The following PATE1 variants were observed in gnomAD, a reference collection of about 807,000 sequenced individuals.
The protein encoded by PATE1 is prostate and testis expressed protein 1.
In PATE1, 21 loss-of-function variants were observed where a neutral mutation model predicts 13.1. That is an observed-to-expected ratio of 1.61 (90% CI 1.14 to 2.31). The LOEUF is 2.31. Ranked by LOEUF, PATE1 falls within the 30% of genes most tolerant of loss-of-function variation. The pLI is 0.00. For missense variants in PATE1, 166 were observed against 147.2 expected (o/e 1.13, Z -0.66); for synonymous variants, 52 against 47.1 (o/e 1.10, Z -0.43).
chr11:125,748,788 T>G lies in PATE1; in HGVS notation c.*55T>G. 1 of 1,585,394 alleles carries G rather than the reference T, an allele frequency of 6.3e-7. No individual in the cohort carries two copies. The highest frequency in any genetic ancestry group is 8.6e-7 in the Non-Finnish European group (1 of 1,165,732). On this transcript the variant is annotated 3_prime_UTR_variant, in exon 5 of 5. Transcript: ENST00000305738. The stretch of plus-strand genomic sequence containing the variant: ...TCTGGGTGAGGTTGTTGCCTCAGCC[T>G]CTTCACAATGACTTTCTAAAAAAAA...
At position 125,748,755 on chromosome 11, in the gene PATE1, C is replaced by T. The variant is rs1345851351; in HGVS notation, c.*22C>T. 1 of 1,607,984 alleles carries T rather than the reference C, an allele frequency of 6.2e-7. No individual in the cohort carries two copies. Among genetic ancestry groups the T allele is most frequent in the Non-Finnish European group, 8.5e-7 (1 of 1,177,702 alleles). On this transcript the variant is annotated 3_prime_UTR_variant, in exon 5 of 5. Transcript: ENST00000305738. ...TTAGAAGTTAATGGTTCTTCTGTGACTCCAATTTCTGGGTGAGGTTGTTGC... is the reference window on the plus strand; with the variant it reads ...TTAGAAGTTAATGGTTCTTCTGTGATTCCAATTTCTGGGTGAGGTTGTTGC...
intron 1 of PATE1, 129 bp from the exon 2 acceptor site, chr11:125,746,532 T>C (rs1943273118): frequency 2.2e-6 from 3 of 1,340,138 alleles, no homozygotes; most frequent in Admixed American, 3.6e-5. Flanking sequence ...TAACTAAAGC[T>C]CTTCTCCCTT....
intron 1 of PATE1, 133 bp downstream of exon 1, chr11:125,746,489 T>A: frequency 4.6e-6 from 6 of 1,298,374 alleles, no homozygotes; most frequent in Non-Finnish European, 6.6e-6. Flanking sequence ...ATGTTATGCC[T>A]TCTACCAGGG....
chr11:125,746,593 T>C (rs1285101043), intron 1 of PATE1, 68 bp from the exon 2 acceptor site: 11 of 1,574,798 alleles, frequency 7.0e-6, no homozygotes, highest in Admixed American at 1.7e-5. Flanking sequence ...TGGATGTTCA[T>C]AGAAGCTTTG....
chr11:125,748,684 T>C lies in PATE1; in HGVS notation c.332T>C (p.Val111Ala), dbSNP rs751529316. Reference sequence around the variant, plus strand: ...GGCATAAGGTGGAGTGTCTATTTGGTGAACTTCAGGTGCTGCAGGAGCCAT... The same window carrying C: ...GGCATAAGGTGGAGTGTCTATTTGGCGAACTTCAGGTGCTGCAGGAGCCAT... ...VKGIRWSVYL[V>A]NFRCCRSHDL... The change falls in exon 5 of 5, where the codon GTG becomes GCG. Residue 111 changes from valine (V) to alanine (A), a missense_variant. Transcript: ENST00000305738. 1.1e-5 allele frequency: 18 copies of C among 1,613,762 alleles called. No individual in the cohort carries two copies. Among genetic ancestry groups the C allele is most frequent in the Non-Finnish European group, 1.5e-5 (18 of 1,179,898 alleles).
chr11:125,749,798 T>A lies in PATE1; in HGVS notation c.*1065T>A, dbSNP rs1224790188. 1.3e-5 allele frequency: 2 copies of A among 151,788 alleles called. No homozygotes were observed. The highest frequency in any genetic ancestry group is 4.8e-5 in the African/African-American group (2 of 41,364). The allele number at this position is 151,788 out of a possible 1,614,324, so 9.4% of individuals were successfully genotyped here. ...GTAGAATGAAGCCTGGAAAGAGTGATGAATTATATTATATTATATAAAAAT... is the reference window on the plus strand; with the variant it reads ...GTAGAATGAAGCCTGGAAAGAGTGAAGAATTATATTATATTATATAAAAAT... On this transcript the variant is annotated 3_prime_UTR_variant, in exon 5 of 5. Coordinates refer to ENST00000305738, the MANE Select transcript of PATE1 (RefSeq NM_138294.3).
At chr11:125,747,479 AC>A (rs1249018041) in intron 3 of PATE1, 68 bp downstream of exon 3, 12 of 1,385,984 alleles carry the variant, frequency 8.7e-6, no homozygotes, top group East Asian at 5.1e-5. Flanking sequence ...TTATTCCTCC[AC>A]CTTTCTTTCC....
In PATE1 at chr11:125,746,662, A is replaced by C. The variant is rs767176263; in HGVS notation, c.54A>C (p.Ala18=). Residue 18 remains alanine (A), a splice_region_variant and synonymous_variant, in exon 2 of 5, where the codon GCA becomes GCC. Transcript: ENST00000305738. ...TGTATCTCTTTTTTTTTCCAACAGCATTATCTGGATCACTTTCAATGAGAA... is the reference window on the plus strand; with the variant it reads ...TGTATCTCTTTTTTTTTCCAACAGCCTTATCTGGATCACTTTCAATGAGAA... ...ELPILLCCFR[A]LSGSLSMRND... is the part of the protein sequence containing the mutation. 1 of 1,613,674 alleles carries C rather than the reference A, an allele frequency of 6.2e-7. No individual in the cohort carries two copies. The highest frequency in any genetic ancestry group is 1.7e-5 in the Admixed American group (1 of 59,982).
In PATE1 at chr11:125,748,907, G is replaced by A. The variant is rs757600860; in HGVS notation, c.*174G>A. 12 of 699,906 alleles carry A rather than the reference G, an allele frequency of 1.7e-5. No individual in the cohort carries two copies. The highest frequency in any genetic ancestry group is 2.6e-5 in the South Asian group (1 of 39,164). 43.4% of individuals were successfully genotyped at this position (699,906 alleles called of 1,614,324 possible). ...AGGAAAGTCCCTCTCCTTTTCTACA[G>A]TCTCTGTCACGCCCCTTAAAATAAG... On this transcript the variant is annotated 3_prime_UTR_variant, in exon 5 of 5. Coordinates refer to ENST00000305738, the MANE Select transcript of PATE1 (RefSeq NM_138294.3).
At position 125,748,678 on chromosome 11, in the gene PATE1, A is replaced by G. The variant is rs778375180; in HGVS notation, c.326A>G (p.Tyr109Cys). 4.3e-6 allele frequency: 7 copies of G among 1,613,794 alleles called. No homozygotes were observed. The Admixed American group carries it at 5.0e-5, about 12-fold the overall frequency. Residue 109 changes from tyrosine (Y) to cysteine (C), a missense_variant, in exon 5 of 5, where the codon TAT becomes TGT. Physicochemically the swap from Tyr to Cys is radical, Grantham distance 194 (BLOSUM62 -2). Coordinates refer to ENST00000305738, the MANE Select transcript of PATE1 (RefSeq NM_138294.3). ...ADVKGIRWSV[Y>C]LVNFRCCRSH... is the part of the protein sequence containing the mutation. The stretch of plus-strand genomic sequence containing the variant: ...GTGAAAGGCATAAGGTGGAGTGTCT[A>G]TTTGGTGAACTTCAGGTGCTGCAGG...
In PATE1 at chr11:125,749,212, TA is replaced by T. The variant is rs1476878023; in HGVS notation, c.*484del. 6.6e-6 allele frequency: 1 copy of T among 152,240 alleles called. No homozygotes were observed. The highest frequency in any genetic ancestry group is 1.5e-5 in the Non-Finnish European group (1 of 68,144). 9.4% of individuals were successfully genotyped at this position (152,240 alleles called of 1,614,324 possible). Reference sequence around the variant, plus strand: ...CCTGAAGGGATGGGGAGTAGCAACATAAAAAGAAGTGGCTCAAGTCTTCTTG... The same window carrying T: ...CCTGAAGGGATGGGGAGTAGCAACATAAAAGAAGTGGCTCAAGTCTTCTTG... On this transcript the variant is annotated 3_prime_UTR_variant, in exon 5 of 5. Coordinates refer to ENST00000305738, the MANE Select transcript of PATE1 (RefSeq NM_138294.3).
In PATE1 at chr11:125,748,878, C is replaced by A. The variant is rs966644073; in HGVS notation, c.*145C>A. The A allele has an allele frequency of 2.0e-6, 2 of 1,005,702 alleles. No individual in the cohort carries two copies. Among genetic ancestry groups the A allele is most frequent in the Admixed American group, 2.7e-5 (1 of 36,960 alleles). 62.3% of individuals were successfully genotyped at this position (1,005,702 alleles called of 1,614,324 possible). A position where few individuals can be genotyped will look rare whatever the true frequency, so the allele number is the denominator to read the frequency against. On this transcript the variant is annotated 3_prime_UTR_variant, in exon 5 of 5. Coordinates refer to ENST00000305738, the MANE Select transcript of PATE1 (RefSeq NM_138294.3). ...AACACATGGCTCCATCTTCTGCACA[C>A]GAAAGGAAAGTCCCTCTCCTTTTCT... is the stretch of plus-strand genomic sequence containing the variant.
chr11:125,747,613 G>C, intron 3 of PATE1, 87 bp from the exon 4 acceptor site: 1 of 1,570,480 alleles, frequency 6.4e-7, no homozygotes, highest in Non-Finnish European at 8.7e-7. Context: ...TGTGGCTCTA[G>C]GCAGACTTCT....
chr11:125,746,945 A>G (rs958130213), intron 2 of PATE1, among the ~76,000 whole-genome samples: 4 of 152,118 alleles, frequency 2.6e-5, no homozygotes, highest in African/African-American at 9.7e-5. Context: ...AAGGAAAAGG[A>G]GGAAGTGGAA....
chr11:125,746,694 CAGGT>C lies in PATE1; in HGVS notation c.87_88+2del. On this transcript the variant is annotated splice_donor_variant and coding_sequence_variant, in exon 2 of 5. Coordinates refer to ENST00000305738, the MANE Select transcript of PATE1 (RefSeq NM_138294.3). LOFTEE classifies it high-confidence loss of function. ...GGATCACTTTCAATGAGAAATGATG[CAGGT>C]GAGTAGGAATAGATAAGTGGTATGA... 7 of 1,612,940 alleles carry C rather than the reference CAGGT, an allele frequency of 4.3e-6. No homozygotes were observed. Among genetic ancestry groups the C allele is most frequent in the Non-Finnish European group, 5.9e-6 (7 of 1,179,492 alleles).
rs775119003 is a variant in PATE1 at position 125,746,671 on chromosome 11, A to G, written c.63A>G (p.Gly21=). The change falls in exon 2 of 5, where the codon GGA becomes GGG. Residue 21 remains glycine (G), a synonymous_variant. Coordinates refer to ENST00000305738, the MANE Select transcript of PATE1 (RefSeq NM_138294.3). ...TTTTTTTTCCAACAGCATTATCTGG[A>G]TCACTTTCAATGAGAAATGATGCAG... The part of the protein sequence containing the change: ...ILLCCFRALS[G]SLSMRNDAVN... 1 of 1,613,710 alleles carries G rather than the reference A, an allele frequency of 6.2e-7. No homozygotes were observed. Among genetic ancestry groups the G allele is most frequent in the South Asian group, 1.1e-5 (1 of 91,038 alleles).
At chr11:125,746,969 G>T (rs1288001986) in intron 2 of PATE1, among the ~76,000 whole-genome samples, 7 of 152,278 alleles carry the variant, frequency 4.6e-5, no homozygotes, top group Non-Finnish European at 8.8e-5. Context: ...TGGCTTTTCA[G>T]GTGTCGCTTG....
chr11:125,747,265 G>T (rs1362144794), intron 2 of PATE1, 111 bp from the exon 3 acceptor site: 9 of 937,560 alleles, frequency 9.6e-6, no homozygotes, highest in Non-Finnish European at 1.5e-5. Flanking sequence ...GCCTGGAATG[G>T]CTCCAGTTTA....
intron 4 of PATE1, chr11:125,748,194 T>C (rs1943290917): frequency 6.6e-6 from 2 of 301,766 alleles, no homozygotes; most frequent in Non-Finnish European, 6.2e-6. Context: ...ACTGTGGAAA[T>C]AGAAGGGCCA....
Sources: gnomAD v4.1 joint callset for allele counts (sites outside exome capture counted in the v4.1 genomes callset) on GRCh38, gnomAD v4.1.1 for gene constraint, MANE v1.5 for transcripts, NCBI Gene and HGNC (gene_info 2026-07-23, HGNC 2026-07-21) for gene names.